The following CSNK1G1 variants were observed in gnomAD, a reference collection of about 807,000 sequenced individuals.
The protein encoded by CSNK1G1 is casein kinase 1 gamma 1.
Under a neutral mutation model 59.6 loss-of-function variants are expected in CSNK1G1, and 22 were observed. The observed-to-expected ratio is 0.37, with a 90% CI of 0.26 to 0.53. The LOEUF (loss-of-function observed/expected upper bound fraction) is 0.53, where lower values mean the gene tolerates loss of function less well. Among genes scored for constraint, CSNK1G1 ranks in the 20% least tolerant of loss-of-function variants. CSNK1G1 has a pLI of 0.89. For missense variants in CSNK1G1, 384 were observed against 519.5 expected (o/e 0.74, Z 2.54); for synonymous variants, 179 against 177.1 (o/e 1.01, Z -0.08).
chr15:64,221,305 T>C (rs757906695), intron 4 of CSNK1G1, among the ~76,000 whole-genome samples: 1 of 152,210 alleles, frequency 6.6e-6, no homozygotes, highest in Non-Finnish European at 1.5e-5. Flanking sequence ...CTGATCTTGT[T>C]CTTAATAATC....
At position 64,165,533 on chromosome 15, in the gene CSNK1G1, A is replaced by G. The variant is rs1024346166; in HGVS notation, c.*6398T>C. 6.6e-6 allele frequency: 1 copy of G among 152,446 alleles called. No homozygotes were observed. Among genetic ancestry groups the G allele is most frequent in the Non-Finnish European group, 1.5e-5 (1 of 68,166 alleles). The allele number at this position is 152,446 out of a possible 1,614,324, so 9.4% of individuals were successfully genotyped here. On this transcript the variant is annotated 3_prime_UTR_variant, in exon 12 of 12. Transcript: ENST00000303052. Reference sequence around the variant, plus strand: ...ATTTTCTTCTTCAGCACTCGAAGAGAGACAGCAGTATTTATTTTTGAAGTG... The same window carrying G: ...ATTTTCTTCTTCAGCACTCGAAGAGGGACAGCAGTATTTATTTTTGAAGTG...
chr15:64,352,447 C>CTTCTTTTTTTT (rs1566958699), intron 1 of CSNK1G1, among the ~76,000 whole-genome samples: 4 of 89,412 alleles, frequency 4.5e-5, no homozygotes, highest in South Asian at 4.1e-4. Context: ...TTGAATTCTT[C>CTTCTTTTTTTT]TTTTTTTTTT....
chr15:64,199,250 C>CAA lies in CSNK1G1; in HGVS notation c.1107+3830_1107+3831dup, dbSNP rs56819260. Among the ~76,000 whole-genome samples the CAA allele has an allele frequency of 6.3e-3, 326 of 51,638 alleles. 1 individual carries two copies. Among genetic ancestry groups the CAA allele is most frequent in the Middle Eastern group, 0.045 (4 of 88 alleles). 33.9% of individuals were successfully genotyped at this position (51,638 alleles called of 152,430 possible). A position where few individuals can be genotyped will look rare whatever the true frequency, so the allele number is the denominator to read the frequency against. On this transcript the variant is annotated intron_variant, in intron 10 of 11. Transcript: ENST00000303052. ...TGGGCAACAGAGTGAAATCTTTTCT[C>CAA]AAAAAAAAAAAAAAAAAAAAAAGAA... is the stretch of plus-strand genomic sequence containing the variant.
intron 10 of CSNK1G1, among the ~76,000 whole-genome samples, chr15:64,185,247 C>A (rs1193770051): frequency 1.2e-4 from 18 of 152,310 alleles, no homozygotes; most frequent in Non-Finnish European, 2.9e-5. Flanking sequence ...ATGGTGTCTG[C>A]AAGTCACCCA....
chr15:64,276,708 G>A (rs1467024484), intron 2 of CSNK1G1, among the ~76,000 whole-genome samples: 1 of 152,184 alleles, frequency 6.6e-6, no homozygotes, highest in Non-Finnish European at 1.5e-5. Flanking sequence ...CACTTTGGGA[G>A]GCCGAGGCAG....
At chr15:64,279,126 T>C (rs1464481054) in intron 2 of CSNK1G1, among the ~76,000 whole-genome samples, 1 of 152,246 alleles carries the variant, frequency 6.6e-6, no homozygotes, top group Non-Finnish European at 1.5e-5. Flanking sequence ...TTTTTCTTTT[T>C]TACTGAGGTA....
intron 1 of CSNK1G1, among the ~76,000 whole-genome samples, chr15:64,349,234 T>C (rs1451420685): frequency 6.6e-6 from 1 of 151,688 alleles, no homozygotes; most frequent in Non-Finnish European, 1.5e-5. Flanking sequence ...GGAGTTAGAA[T>C]GTATAAGCAG....
intron 2 of CSNK1G1, among the ~76,000 whole-genome samples, chr15:64,268,162 T>C (rs1217528274): frequency 1.3e-5 from 2 of 152,104 alleles, no homozygotes; most frequent in Admixed American, 6.6e-5. Flanking sequence ...AAAAAGGAAG[T>C]GCTGTCATTT....
intron 4 of CSNK1G1, among the ~76,000 whole-genome samples, chr15:64,222,437 C>CAAAAAAAAAAAAA (rs1170075981): frequency 1.4e-5 from 1 of 69,000 alleles, no homozygotes; most frequent in Non-Finnish European, 2.7e-5. Flanking sequence ...ACAACACCAC[C>CAAAAAAAAAAAAA]AAAAAAAAAA....
intron 3 of CSNK1G1, among the ~76,000 whole-genome samples, chr15:64,254,348 T>C (rs984094315): frequency 8.1e-5 from 12 of 147,706 alleles, no homozygotes; most frequent in South Asian, 4.2e-4. Context: ...CTTAATGCCA[T>C]TGAACTTTTT....
chr15:64,352,958 ACAC>A (rs1898398339), intron 1 of CSNK1G1, among the ~76,000 whole-genome samples: 1 of 152,020 alleles, frequency 6.6e-6, no homozygotes, highest in Non-Finnish European at 1.5e-5. Context: ...ACATGGTGGC[ACAC>A]GCCTGTAGTT....
intron 1 of CSNK1G1, among the ~76,000 whole-genome samples, chr15:64,305,880 A>C (rs1895661614): frequency 6.6e-6 from 1 of 152,146 alleles, no homozygotes; most frequent in South Asian, 2.1e-4. Context: ...AAGGCAATTC[A>C]ATGGAGAAAG....
At chr15:64,336,149 G>C (rs931380369) in intron 1 of CSNK1G1, among the ~76,000 whole-genome samples, 5 of 152,046 alleles carry the variant, frequency 3.3e-5, no homozygotes, top group African/African-American at 1.2e-4. Flanking sequence ...TACCTAAACC[G>C]TTCAAAGCAC....
intron 10 of CSNK1G1, among the ~76,000 whole-genome samples, chr15:64,185,845 G>A (rs2081886151): frequency 7.1e-6 from 1 of 140,128 alleles, no homozygotes; most frequent in Non-Finnish European, 1.5e-5. Context: ...CTGGATGACA[G>A]AGCCAGACTC....
At chr15:64,319,047 T>G (rs1231067107) in intron 1 of CSNK1G1, among the ~76,000 whole-genome samples, 1 of 151,698 alleles carries the variant, frequency 6.6e-6, no homozygotes, top group African/African-American at 2.4e-5. Flanking sequence ...AGACAATGTT[T>G]TGCCATGTTG....
In CSNK1G1 at chr15:64,214,991, G is replaced by T. The variant is rs2082292186; in HGVS notation, c.445-867C>A. ...TTTATTTTCAGATTATTTTTGTAGA[G>T]ATGGGGTCTATGTTGCCTACGCTGG... On this transcript the variant is annotated intron_variant, in intron 5 of 11. Coordinates refer to ENST00000303052, the MANE Select transcript of CSNK1G1 (RefSeq NM_022048.5). This position sits in a 1 kb window ranked among gnomAD's most constrained non-coding sequence, Gnocchi z 4.3. Among the ~76,000 whole-genome samples the T allele has an allele frequency of 6.6e-6, 1 of 151,292 alleles. No homozygotes were observed. Among genetic ancestry groups the T allele is most frequent in the Non-Finnish European group, 1.5e-5 (1 of 67,898 alleles).
chr15:64,296,937 CTTTTTTTTTTTT>C (rs960068624), intron 2 of CSNK1G1, among the ~76,000 whole-genome samples: 1 of 89,668 alleles, frequency 1.1e-5, no homozygotes, highest in Non-Finnish European at 2.1e-5. Context: ...ACTATCGTTA[CTTTTTTTTTTTT>C]TTTTTTTTTT....
intron 1 of CSNK1G1, among the ~76,000 whole-genome samples, chr15:64,311,763 C>A (rs1286851374): frequency 6.6e-6 from 1 of 151,112 alleles, no homozygotes; most frequent in Non-Finnish European, 1.5e-5. Context: ...GCATGTAATC[C>A]CAGCTACTTG....
intron 10 of CSNK1G1, among the ~76,000 whole-genome samples, chr15:64,187,601 G>A (rs2081914737): frequency 6.6e-6 from 1 of 152,090 alleles, no homozygotes; most frequent in Admixed American, 6.5e-5. Flanking sequence ...CCTTGTAACA[G>A]CATATCCTAG....
Sources: gnomAD v4.1 joint callset for allele counts (sites outside exome capture counted in the v4.1 genomes callset) on GRCh38, gnomAD v4.1.1 for gene constraint, Gnocchi (gnomAD v3.1) non-coding constraint, MANE v1.5 for transcripts, NCBI Gene and HGNC (gene_info 2026-07-23, HGNC 2026-07-21) for gene names.